EAF2: variants seen among roughly 807,000 people sequenced by gnomAD.
EAF2 encodes ELL associated factor 2, also known as ELL-associated factor 2.
Under a neutral mutation model 29.4 loss-of-function variants are expected in EAF2, and 29 were observed. The ratio of observed to expected loss-of-function variants is 0.99; its 90% CI spans 0.73 to 1.35. EAF2 has a LOEUF of 1.35. Ranked by LOEUF, EAF2 falls within the 40% of genes most tolerant of loss-of-function variation. The pLI is 0.00. For missense variants in EAF2, 292 were observed against 312.0 expected (o/e 0.94, Z 0.48); for synonymous variants, 103 against 102.5 (o/e 1.00, Z -0.03).
intron 2 of EAF2, among the ~76,000 whole-genome samples, chr3:121,853,722 T>A (rs2107515022): frequency 6.6e-6 from 1 of 152,352 alleles, no homozygotes; most frequent in South Asian, 2.1e-4. Flanking sequence ...CTATTCCTTC[T>A]ATTTTCTATA....
chr3:121,841,223 A>C (rs1042897537), intron 1 of EAF2, among the ~76,000 whole-genome samples: 3 of 151,922 alleles, frequency 2.0e-5, no homozygotes, highest in Admixed American at 6.6e-5. Flanking sequence ...GTTGAGGACT[A>C]CCGGGCATGG....
rs1553725709 is a variant in EAF2, at chr3:121,840,515, A to AACAAAAAAC, written c.107-3937_107-3936insCAAAAAACA. Among the ~76,000 whole-genome samples the AACAAAAAAC allele has an allele frequency of 3.1e-4, 30 of 97,956 alleles. 2 individuals carry two copies. In the Admixed American group the frequency reaches 3.3e-3, roughly 11 times the overall value. The allele number at this position is 97,956 out of a possible 152,430, so 64.3% of individuals were successfully genotyped here. A position where few individuals can be genotyped will look rare whatever the true frequency, so the allele number is the denominator to read the frequency against. On this transcript the variant is annotated intron_variant, in intron 1 of 5. Transcript: ENST00000273668. Reference sequence around the variant, plus strand: ...AAAAAAAAAAAAAAAAAAAGAAAAAAAAAAAACGGGCCGGGTGCGGTGGCT... The same window carrying AACAAAAAAC: ...AAAAAAAAAAAAAAAAAAAGAAAAAAACAAAAAACAAAAAACGGGCCGGGTGCGGTGGCT...
In EAF2 at chr3:121,843,177, A is replaced by G. The variant is rs1446948859; in HGVS notation, c.107-1276A>G. On this transcript the variant is annotated intron_variant, in intron 1 of 5. Coordinates refer to ENST00000273668, the MANE Select transcript of EAF2 (RefSeq NM_018456.6). ...TTCAGAGTTGTTATAAGAGGTAAAT[A>G]TGAAGTGTTAAGCATGGTGCCTGGC... Among the ~76,000 whole-genome samples the G allele has an allele frequency of 2.6e-5, 4 of 152,318 alleles. No individual in the cohort carries two copies. The South Asian group carries it at 8.3e-4, about 32-fold the overall frequency.
intron 1 of EAF2, 87 bp from the exon 2 acceptor site, chr3:121,844,366 T>C: frequency 2.4e-6 from 2 of 821,440 alleles, no homozygotes; most frequent in Non-Finnish European, 3.9e-6. Flanking sequence ...TCTTGAAAAA[T>C]GATTTATCAT....
chr3:121,858,431 A>AT (rs1212551686), intron 4 of EAF2, among the ~76,000 whole-genome samples: 1 of 152,108 alleles, frequency 6.6e-6, no homozygotes, highest in Non-Finnish European at 1.5e-5. Context: ...GATGATGAGC[A>AT]TTTTTTCATG....
chr3:121,857,139 T>C lies in EAF2; in HGVS notation c.467T>C (p.Ile156Thr), dbSNP rs150707706. 7,459 of 1,610,400 alleles carry C rather than the reference T, an allele frequency of 4.6e-3. 134 individuals carry two copies. Among genetic ancestry groups the C allele is most frequent in the Non-Finnish European group, 2.7e-3 (3,164 of 1,178,848 alleles). ...GATAAGATGTCCCCAGCATCTCCAA[T>C]AGATGATATCGAAAGAGGTAAAATC... ...SEDKMSPASP[I>T]DDIERELKAE... Residue 156 changes from isoleucine (I) to threonine (T), a missense_variant, in exon 4 of 6, where the codon ATA (isoleucine) becomes ACA (threonine). Coordinates refer to ENST00000273668, the MANE Select transcript of EAF2 (RefSeq NM_018456.6).
At chr3:121,879,898 GT>G (rs897781972) in intron 5 of EAF2, among the ~76,000 whole-genome samples, 4 of 151,464 alleles carry the variant, frequency 2.6e-5, no homozygotes, top group Admixed American at 2.0e-4. Flanking sequence ...TGAAGCTTAT[GT>G]TTTTTTTGTA....
intron 5 of EAF2, among the ~76,000 whole-genome samples, chr3:121,878,291 T>C (rs1284932942): frequency 2.6e-5 from 4 of 152,138 alleles, no homozygotes; most frequent in Admixed American, 2.6e-4. Context: ...ATATACAATA[T>C]ACATATTTAT....
intron 4 of EAF2, among the ~76,000 whole-genome samples, chr3:121,867,536 G>A (rs1018217408): frequency 1.3e-5 from 2 of 152,152 alleles, no homozygotes; most frequent in East Asian, 1.9e-4. Flanking sequence ...TGTGAATTCT[G>A]TATCTACCAA....
At chr3:121,839,817 G>A (rs1049699378) in intron 1 of EAF2, among the ~76,000 whole-genome samples, 2 of 152,180 alleles carry the variant, frequency 1.3e-5, no homozygotes, top group Admixed American at 1.3e-4. Flanking sequence ...TAAAAGCACT[G>A]TGCTAGAGCC....
At chr3:121,875,900 C>T (rs1388592706) in intron 5 of EAF2, among the ~76,000 whole-genome samples, 1 of 151,570 alleles carries the variant, frequency 6.6e-6, no homozygotes, top group African/African-American at 2.4e-5. Flanking sequence ...TCCCAGAACA[C>T]AATACAAGAG....
chr3:121,863,718 CA>C (rs1263717458), intron 4 of EAF2, among the ~76,000 whole-genome samples: 1 of 152,020 alleles, frequency 6.6e-6, no homozygotes, highest in Non-Finnish European at 1.5e-5. Flanking sequence ...TAACAAGCCC[CA>C]GTGAGACGAA....
At chr3:121,858,747 G>T (rs968088283) in intron 4 of EAF2, among the ~76,000 whole-genome samples, 7 of 152,134 alleles carry the variant, frequency 4.6e-5, no homozygotes, top group Non-Finnish European at 5.9e-5. Flanking sequence ...CCTTGCCCAT[G>T]CCTATGTCCT....
At chr3:121,863,683 C>T (rs1304891233) in intron 4 of EAF2, among the ~76,000 whole-genome samples, 3 of 152,086 alleles carry the variant, frequency 2.0e-5, no homozygotes, top group Admixed American at 2.0e-4. Flanking sequence ...CTTCAGCTCA[C>T]ACTCTGTGGG....
At chr3:121,865,184 G>A (rs1002380855) in intron 4 of EAF2, among the ~76,000 whole-genome samples, 12 of 152,044 alleles carry the variant, frequency 7.9e-5, no homozygotes, top group African/African-American at 1.9e-4. Flanking sequence ...CAAGGTGGGA[G>A]GATCATTTGA....
intron 4 of EAF2, among the ~76,000 whole-genome samples, chr3:121,865,164 T>G (rs2107530627): frequency 1.3e-5 from 2 of 152,210 alleles, no homozygotes; most frequent in Non-Finnish European, 2.9e-5. Context: ...ATTCCAGCAC[T>G]TTGGGGGCCC....
chr3:121,840,502 A>G (rs912036896), intron 1 of EAF2, among the ~76,000 whole-genome samples: 6 of 75,560 alleles, frequency 7.9e-5, no homozygotes, highest in Admixed American at 2.2e-4. Context: ...AAAAAAAAAA[A>G]AAAAAAGAAA....
At chr3:121,846,123 A>G (rs544395999) in intron 2 of EAF2, among the ~76,000 whole-genome samples, 3 of 152,258 alleles carry the variant, frequency 2.0e-5, no homozygotes, top group South Asian at 2.1e-4. Flanking sequence ...TCCTTTATGC[A>G]TTAATGAGAT....
At chr3:121,866,989 A>T (rs1419502512) in intron 4 of EAF2, among the ~76,000 whole-genome samples, 1 of 152,216 alleles carries the variant, frequency 6.6e-6, no homozygotes, top group Non-Finnish European at 1.5e-5. Flanking sequence ...TAAGAATCAG[A>T]TGGAAATTAT....
Sources: gnomAD v4.1 joint callset for allele counts (sites outside exome capture counted in the v4.1 genomes callset) on GRCh38, gnomAD v4.1.1 for gene constraint, MANE v1.5 for transcripts, NCBI Gene and HGNC (gene_info 2026-07-23, HGNC 2026-07-21) for gene names.